Variants in CARD8 observed in about 807,000 individuals in gnomAD.
CARD8 encodes the protein caspase recruitment domain family member 8.
CARD8 carries 38 observed loss-of-function variants against 53.2 expected under a neutral mutation model. The ratio of observed to expected loss-of-function variants is 0.71; its 90% CI spans 0.55 to 0.94. The LOEUF is 0.94. Ranked by LOEUF, CARD8 falls within the 40% of genes least tolerant of loss-of-function variation. CARD8 has a pLI of 0.00. For missense variants in CARD8, 561 were observed against 655.5 expected, an observed-to-expected ratio of 0.86 and a Z score of 1.57; for synonymous variants, 245 against 244.9, an observed-to-expected ratio of 1.00 and a Z score of 0.00.
At chr19:48,249,999 T>TTAA (rs3078166) in intron 1 of CARD8, 152 bp from the exon 2 acceptor site, 104,420 of 151,762 alleles carry the variant, frequency 0.69, 36,775 homozygotes, top group African/African-American at 0.85. Flanking sequence ...TGGGACAGTC[T>TTAA]TAATCTCTCC....
At chr19:48,223,740 CTTCT>C (rs2041168634) in intron 10 of CARD8, 21 of 413,204 alleles carry the variant, frequency 5.1e-5, no homozygotes, top group South Asian at 2.5e-4. Flanking sequence ...TTTTCTTAAC[CTTCT>C]TTATTTGTTA....
chr19:48,204,318 G>C (rs1232438396), downstream of CARD8: 1 of 398,864 alleles, frequency 2.5e-6, no homozygotes, highest in Non-Finnish European at 5.1e-6. Flanking sequence ...TGGAGGGATG[G>C]AGGGTGTGCC....
At chr19:48,248,619 A>G (rs1291654900) in intron 3 of CARD8, among the ~76,000 whole-genome samples, 1 of 152,184 alleles carries the variant, frequency 6.6e-6, no homozygotes, top group Non-Finnish European at 1.5e-5. Context: ...AGCAATGGAA[A>G]CTCGTAAACC....
downstream of CARD8, chr19:48,203,307 T>G (rs1388717180): frequency 1.3e-5 from 2 of 152,244 alleles, no homozygotes; most frequent in African/African-American, 4.8e-5. Flanking sequence ...TGCTTTATCC[T>G]TCACAGCACT....
chr19:48,217,608 C>T (rs1417368210), intron 12 of CARD8, among the ~76,000 whole-genome samples: 1 of 86,058 alleles, frequency 1.2e-5, no homozygotes, highest in African/African-American at 3.0e-5. Flanking sequence ...CGATTTATAG[C>T]TCCTATGCAA....
At chr19:48,241,524 G>A (rs756200907) in intron 3 of CARD8, among the ~76,000 whole-genome samples, 4 of 152,164 alleles carry the variant, frequency 2.6e-5, no homozygotes, top group South Asian at 2.1e-4. Context: ...CCAAAGTGCC[G>A]GATTGCAGGC....
chr19:48,223,448 G>C (rs1402480969), intron 10 of CARD8, among the ~76,000 whole-genome samples: 1 of 152,106 alleles, frequency 6.6e-6, no homozygotes. Flanking sequence ...ACTATGATGG[G>C]GGTAAGGCAG....
chr19:48,214,716 C>G (rs1300924362), intron 13 of CARD8, among the ~76,000 whole-genome samples: 1 of 150,238 alleles, frequency 6.7e-6, no homozygotes, highest in Non-Finnish European at 1.5e-5. Context: ...AAGTCACCCC[C>G]TCGGCCGTCT....
chr19:48,227,801 A>C (rs1395235626), intron 10 of CARD8, among the ~76,000 whole-genome samples: 1 of 76,904 alleles, frequency 1.3e-5, no homozygotes, highest in Non-Finnish European at 2.8e-5. Context: ...AGACTCCATC[A>C]CAAAAAAAAA....
chr19:48,205,876 G>C (rs1340317710), downstream of CARD8, among the ~76,000 whole-genome samples: 1 of 151,996 alleles, frequency 6.6e-6, no homozygotes, highest in Non-Finnish European at 1.5e-5. Flanking sequence ...GGCCGTTTGA[G>C]CATTGTGCAG....
At chr19:48,222,535 A>C (rs1050245589) in intron 10 of CARD8, among the ~76,000 whole-genome samples, 2 of 152,164 alleles carry the variant, frequency 1.3e-5, no homozygotes, top group African/African-American at 4.8e-5. Context: ...CTAAAAATAT[A>C]AAAATTAGCC....
At chr19:48,206,636 T>A (rs143109168), downstream of CARD8, 1 of 392,928 alleles carries the variant, frequency 2.5e-6, no homozygotes, top group East Asian at 7.2e-5. Context: ...GTTACCAAAT[T>A]CTTTTAGCTT....
intron 6 of CARD8, 112 bp from the exon 7 acceptor site, chr19:48,232,605 C>A: frequency 3.4e-6 from 3 of 877,758 alleles, no homozygotes; most frequent in Non-Finnish European, 5.5e-6. Context: ...GTAGAGTAGC[C>A]GCTACCCGGA....
chr19:48,241,212 A>G, intron 3 of CARD8, 149 bp from the exon 4 acceptor site: 1 of 584,978 alleles, frequency 1.7e-6, no homozygotes, highest in Non-Finnish European at 3.0e-6. Context: ...AGTGGTAGGT[A>G]CTTGGGACAG....
chr19:48,206,864 C>T (rs944624166), downstream of CARD8, among the ~76,000 whole-genome samples: 4 of 152,182 alleles, frequency 2.6e-5, no homozygotes, highest in Admixed American at 1.3e-4. Flanking sequence ...ACCATCACTG[C>T]AGAAAGTTCT....
intron 6 of CARD8, chr19:48,232,771 T>C: frequency 1.6e-6 from 1 of 606,510 alleles, no homozygotes; most frequent in Non-Finnish European, 3.1e-6. Context: ...AAAGTTCTCT[T>C]AGACTGGGCG....
intron 6 of CARD8, 46 bp from the exon 7 acceptor site, chr19:48,232,539 G>C (rs2043106020): frequency 1.4e-6 from 2 of 1,459,588 alleles, no homozygotes; most frequent in African/African-American, 2.8e-5. Context: ...AAAACATCAA[G>C]AATCAGTTGA....
chr19:48,204,017 C>A (rs2037251439), downstream of CARD8: 7 of 377,682 alleles, frequency 1.9e-5, no homozygotes, highest in Admixed American at 1.8e-4. Flanking sequence ...CATGTGCAGG[C>A]TGCGGGGTGT....
chr19:48,235,494 G>A (rs2043712887), intron 5 of CARD8, among the ~76,000 whole-genome samples: 1 of 152,110 alleles, frequency 6.6e-6, no homozygotes, highest in Non-Finnish European at 1.5e-5. Context: ...CCAGCCACGT[G>A]AAACTAAAAG....
Sources: allele counts gnomAD v4.1 joint callset (sites outside exome capture counted in the v4.1 genomes callset), GRCh38; gene constraint gnomAD v4.1.1; transcripts MANE v1.5; gene names NCBI Gene and HGNC (gene_info 2026-07-23, HGNC 2026-07-21).